Variants in NFATC1 observed in about 807,000 individuals in gnomAD.
The protein encoded by NFATC1 is nuclear factor of activated T cells 1.
In NFATC1, 22 loss-of-function variants were observed where a neutral mutation model predicts 76.0. That is an observed-to-expected ratio of 0.29 (90% confidence interval 0.21 to 0.41). The LOEUF (loss-of-function observed/expected upper bound fraction) is 0.41, where lower values mean the gene tolerates loss of function less well. Ranked by LOEUF, NFATC1 falls within the 10% of genes least tolerant of loss-of-function variation. The pLI, the probability that NFATC1 is intolerant of heterozygous loss-of-function variation, is 1.00. For missense variants in NFATC1, 1,357 were observed against 1,337.7 expected, an observed-to-expected ratio of 1.01 and a Z score of -0.23; for synonymous variants, 704 against 613.1, an observed-to-expected ratio of 1.15 and a Z score of -2.19.
At chr18:79,506,380 G>A (rs955496028) in intron 9 of NFATC1, among the ~76,000 whole-genome samples, 3 of 152,134 alleles carry the variant, frequency 2.0e-5, no homozygotes, top group Non-Finnish European at 4.4e-5. Context: ...TCCCACCTCC[G>A]GTGACCAGGC....
chr18:79,496,102 G>A (rs79334569), intron 9 of NFATC1: 9,133 of 152,798 alleles, frequency 0.06, 405 homozygotes, highest in Admixed American at 0.096. Flanking sequence ...TTTTTCTGGT[G>A]TAGATGCACT....
chr18:79,479,404 C>G (rs1330494332), intron 8 of NFATC1, among the ~76,000 whole-genome samples: 1 of 152,236 alleles, frequency 6.6e-6, no homozygotes, highest in African/African-American at 2.4e-5. Context: ...CTCCCAGGCG[C>G]TCTTGCAGAC....
At chr18:79,467,981 A>C (rs2088604387) in intron 8 of NFATC1, 1 of 1,012,758 alleles carries the variant, frequency 9.9e-7, no homozygotes, top group African/African-American at 1.7e-5. Context: ...CTTTAGGAAT[A>C]AACTTTGCTT....
At chr18:79,487,052 G>A (rs1484009598) in intron 9 of NFATC1, 115 bp downstream of exon 9, 51 of 1,240,088 alleles carry the variant, frequency 4.1e-5, no homozygotes, top group East Asian at 3.1e-4. Flanking sequence ...CCGAGGCACC[G>A]GGCAGGGTGT....
chr18:79,483,170 GT>G (rs1353323494), intron 8 of NFATC1, among the ~76,000 whole-genome samples: 5 of 88,796 alleles, frequency 5.6e-5, no homozygotes, highest in African/African-American at 1.9e-4. Flanking sequence ...GCGTGACCTG[GT>G]TCCTGGGGTG....
intron 9 of NFATC1, among the ~76,000 whole-genome samples, chr18:79,501,563 G>A (rs931745882): frequency 2.0e-5 from 3 of 152,102 alleles, no homozygotes; most frequent in South Asian, 2.1e-4. Context: ...GGAAGAAAAC[G>A]TGATTCTATA....
intron 4 of NFATC1, among the ~76,000 whole-genome samples, chr18:79,449,779 G>A (rs936494012): frequency 2.0e-5 from 3 of 152,208 alleles, no homozygotes; most frequent in Non-Finnish European, 4.4e-5. Context: ...CCCGGGGGTG[G>A]GTGCAGAGGT....
intron 3 of NFATC1, among the ~76,000 whole-genome samples, chr18:79,440,952 C>A (rs919316315): frequency 6.6e-6 from 1 of 152,210 alleles, no homozygotes; most frequent in Non-Finnish European, 1.5e-5. Flanking sequence ...GGCGTGTGCC[C>A]GTCTGGGCTG....
chr18:79,465,974 G>A lies in NFATC1; in HGVS notation c.1960-1476G>A, dbSNP rs1043701537. On this transcript the variant is annotated intron_variant, in intron 7 of 9. Transcript: ENST00000427363. This position sits in a 1 kb window ranked among gnomAD's most constrained non-coding sequence, Gnocchi z 4.2. Reference sequence around the variant, plus strand: ...TGATGCGGGGCAAAGGCAGGAAGACGCCCATGTGCCATGGCTTCTGCTTCT... The same window carrying A: ...TGATGCGGGGCAAAGGCAGGAAGACACCCATGTGCCATGGCTTCTGCTTCT... 6.6e-6 allele frequency among the ~76,000 whole-genome samples: 1 copy of A among 152,216 alleles called. No individual in the cohort carries two copies. Among genetic ancestry groups the A allele is most frequent in the African/African-American group, 2.4e-5 (1 of 41,466 alleles).
chr18:79,480,350 A>C (rs1569013657), intron 8 of NFATC1, among the ~76,000 whole-genome samples: 2 of 152,046 alleles, frequency 1.3e-5, no homozygotes, highest in African/African-American at 4.8e-5. Flanking sequence ...GGAGCTGCCA[A>C]CCTGGCGGGG....
At position 79,411,367 on chromosome 18, in the gene NFATC1, C is replaced by T. The variant is rs200151864; in HGVS notation, c.1092C>T (p.Ala364=). ...ACCTGGGCAGCCCCCCGCCCCCGGC[C>T]GACTTCGCGCCCGAAGACTACTCCT... ...GEDLGSPPPP[A]DFAPEDYSSF... Residue 364 remains alanine, a synonymous_variant, in exon 2 of 10, where the codon GCC becomes GCT. Transcript: ENST00000427363. 3.6e-5 allele frequency: 57 copies of T among 1,587,370 alleles called. No homozygotes were observed. The East Asian group carries it at 6.3e-4, about 17-fold the overall frequency.
At chr18:79,512,588 C>T (rs766780968) in intron 9 of NFATC1, among the ~76,000 whole-genome samples, 14 of 152,162 alleles carry the variant, frequency 9.2e-5, no homozygotes, top group Non-Finnish European at 1.6e-4. Flanking sequence ...CTGCAGTCGG[C>T]GGGCCCCTTG....
chr18:79,436,016 G>A (rs1307677299), intron 3 of NFATC1, among the ~76,000 whole-genome samples: 1 of 152,170 alleles, frequency 6.6e-6, no homozygotes, highest in African/African-American at 2.4e-5. Context: ...AAAAAGAGGG[G>A]GTTTTGGGGG....
At chr18:79,425,271 C>CTCTGTTTCTCGGTCTCTGTCTCTG (rs1555903020) in intron 2 of NFATC1, among the ~76,000 whole-genome samples, 1 of 111,612 alleles carries the variant, frequency 9.0e-6, no homozygotes, top group African/African-American at 3.0e-5. Flanking sequence ...GTCTCTGTCT[C>CTCTGTTTCTCGGTCTCTGTCTCTG]TCTCTCTGTC....
At chr18:79,515,585 C>T (rs2090361610) in intron 9 of NFATC1, among the ~76,000 whole-genome samples, 1 of 151,978 alleles carries the variant, frequency 6.6e-6, no homozygotes, top group Non-Finnish European at 1.5e-5. Context: ...CTACACACTT[C>T]ACATGGTGAC....
At chr18:79,495,056 T>C (rs2089838879) in intron 9 of NFATC1, among the ~76,000 whole-genome samples, 1 of 152,232 alleles carries the variant, frequency 6.6e-6, no homozygotes, top group Non-Finnish European at 1.5e-5. Context: ...CAGTGGCAAG[T>C]CTGCCCCTTG....
intron 9 of NFATC1, among the ~76,000 whole-genome samples, chr18:79,523,414 C>G (rs1405766600): frequency 6.6e-6 from 1 of 152,212 alleles, no homozygotes; most frequent in Non-Finnish European, 1.5e-5. Context: ...GTTTAAATGT[C>G]AACTTTCTTT....
intron 7 of NFATC1, among the ~76,000 whole-genome samples, chr18:79,464,677 T>TATATACAC (rs1491232366): frequency 8.6e-6 from 1 of 116,888 alleles, no homozygotes; most frequent in Admixed American, 8.3e-5. Context: ...TGTGTATATG[T>TATATACAC]ATGTGTATAT....
rs150543159 is a variant in NFATC1 at position 79,481,860 on chromosome 18, C to T, written c.2093-4388C>T. On this transcript the variant is annotated intron_variant, in intron 8 of 9. Transcript: ENST00000427363. ...GTGACCTGGTTCCTGGGGTATAATT[C>T]CAGCGCGACCTTGTTCCTGGGGTGT... Among the ~76,000 whole-genome samples, 594 of 147,824 alleles carry T rather than the reference C, an allele frequency of 4.0e-3. 14 individuals carry two copies. Among genetic ancestry groups the T allele is most frequent in the African/African-American group, 0.014 (525 of 38,142 alleles).
Sources: allele counts gnomAD v4.1 joint callset (sites outside exome capture counted in the v4.1 genomes callset), GRCh38; gene constraint gnomAD v4.1.1; non-coding constraint Gnocchi (gnomAD v3.1); transcripts MANE v1.5; gene names NCBI Gene and HGNC (gene_info 2026-07-23, HGNC 2026-07-21).